Variants in ZFYVE28 observed in about 807,000 individuals in gnomAD.
ZFYVE28 encodes zinc finger FYVE-type containing 28.
A neutral mutation model predicts 82.1 loss-of-function variants in ZFYVE28; 40 were observed. That is an observed-to-expected ratio of 0.49 (90% CI 0.38 to 0.63). The LOEUF (loss-of-function observed/expected upper bound fraction) is 0.63, where lower values mean the gene tolerates loss of function less well. Ranked by LOEUF, ZFYVE28 falls within the 30% of genes least tolerant of loss-of-function variation. The pLI, the probability that ZFYVE28 is intolerant of heterozygous loss-of-function variation, is 0.00. For missense variants in ZFYVE28, 1,321 were observed against 1,242.1 expected, an observed-to-expected ratio of 1.06 and a Z score of -0.96; for synonymous variants, 612 against 546.1, an observed-to-expected ratio of 1.12 and a Z score of -1.68.
chr4:2,368,488 C>T (rs769181880), intron 1 of ZFYVE28, among the ~76,000 whole-genome samples: 17 of 147,152 alleles, frequency 1.2e-4, no homozygotes, highest in Non-Finnish European at 1.6e-4. Context: ...TCATCACCTC[C>T]GGAAGAAACC....
At chr4:2,365,023 A>T in intron 1 of ZFYVE28, 1 of 458,032 alleles carries the variant, frequency 2.2e-6, no homozygotes, top group Non-Finnish European at 2.9e-6. Flanking sequence ...CGCACGCGGA[A>T]GTGGGGGAGG....
chr4:2,332,439 G>A lies in ZFYVE28; in HGVS notation c.701+3266C>T, dbSNP rs1328620759. On this transcript the variant is annotated intron_variant, in intron 6 of 12. Coordinates refer to ENST00000290974, the MANE Select transcript of ZFYVE28 (RefSeq NM_020972.3). This position sits in a 1 kb window ranked among gnomAD's most constrained non-coding sequence, Gnocchi z 4.7. Reference sequence around the variant, plus strand: ...CTCCCACCTCTGGGCCGGCTGCCCTGGGGAGCCTCTCCCTCACGCCTTCAG... The same window carrying A: ...CTCCCACCTCTGGGCCGGCTGCCCTAGGGAGCCTCTCCCTCACGCCTTCAG... 6.6e-6 allele frequency among the ~76,000 whole-genome samples: 1 copy of A among 152,128 alleles called. No individual in the cohort carries two copies. Among genetic ancestry groups the A allele is most frequent in the African/African-American group, 2.4e-5 (1 of 41,412 alleles).
chr4:2,275,092 C>G (rs1736290153), intron 8 of ZFYVE28, among the ~76,000 whole-genome samples: 1 of 152,110 alleles, frequency 6.6e-6, no homozygotes, highest in Non-Finnish European at 1.5e-5. Flanking sequence ...TGCACAAGAC[C>G]CCACAGGCCT....
intron 1 of ZFYVE28, among the ~76,000 whole-genome samples, chr4:2,376,033 C>G (rs1470033463): frequency 6.6e-6 from 1 of 151,918 alleles, no homozygotes; most frequent in Non-Finnish European, 1.5e-5. Context: ...GCCACCACGC[C>G]TGGCTAATTT....
chr4:2,288,217 G>A (rs920092862), intron 8 of ZFYVE28, among the ~76,000 whole-genome samples: 5 of 152,228 alleles, frequency 3.3e-5, no homozygotes, highest in African/African-American at 1.2e-4. Flanking sequence ...GAAGGCCCGA[G>A]GACCTGCATC....
chr4:2,414,754 C>T lies in ZFYVE28; in HGVS notation c.39+3531G>A, dbSNP rs151333924. On this transcript the variant is annotated intron_variant, in intron 1 of 12. Coordinates refer to ENST00000290974, the MANE Select transcript of ZFYVE28 (RefSeq NM_020972.3). ...GTGTCCAGGTCCCTCTCCCCCATGC[C>T]GGGAATTCTCACCTCCTAGTGACCA... Among the ~76,000 whole-genome samples the T allele has an allele frequency of 1.6e-4, 25 of 152,266 alleles. No homozygotes were observed. In the East Asian group the frequency reaches 4.6e-3, roughly 28 times the overall value.
chr4:2,409,132 A>G lies in ZFYVE28; in HGVS notation c.39+9153T>C, dbSNP rs1732244975. Among the ~76,000 whole-genome samples the G allele has an allele frequency of 6.6e-6, 1 of 150,570 alleles. No homozygotes were observed. The highest frequency in any genetic ancestry group is 6.6e-5 in the Admixed American group (1 of 15,118). ...TCCCCGTGGAGTTGCATGGCCATCAAACACACTGTCCAAACCCCTACTTCT... is the reference window on the plus strand; with the variant it reads ...TCCCCGTGGAGTTGCATGGCCATCAGACACACTGTCCAAACCCCTACTTCT... On this transcript the variant is annotated intron_variant, in intron 1 of 12. Coordinates refer to ENST00000290974, the MANE Select transcript of ZFYVE28 (RefSeq NM_020972.3). The surrounding 1 kb of genome is among the most constrained non-coding windows in gnomAD (Gnocchi z 4.4).
chr4:2,356,993 A>T (rs182869867), intron 1 of ZFYVE28, among the ~76,000 whole-genome samples: 1 of 152,266 alleles, frequency 6.6e-6, no homozygotes, highest in Admixed American at 6.5e-5. Flanking sequence ...CCCAGGCTCA[A>T]GCAATCATCC....
At chr4:2,381,841 A>C (rs1728760710) in intron 1 of ZFYVE28, among the ~76,000 whole-genome samples, 1 of 152,246 alleles carries the variant, frequency 6.6e-6, no homozygotes, top group Admixed American at 6.5e-5. Flanking sequence ...AGCATGTCAG[A>C]GGTCTTCAGG....
intron 2 of ZFYVE28, among the ~76,000 whole-genome samples, chr4:2,348,125 G>C (rs1280139305): frequency 6.6e-6 from 1 of 152,112 alleles, no homozygotes; most frequent in South Asian, 2.1e-4. Flanking sequence ...AACGAGAGAG[G>C]TGACATCGCG....
chr4:2,397,733 G>A (rs908302612), intron 1 of ZFYVE28, among the ~76,000 whole-genome samples: 18 of 152,210 alleles, frequency 1.2e-4, no homozygotes, highest in Admixed American at 3.9e-4. Flanking sequence ...CATCCATGCC[G>A]TAGTATGTGT....
rs144528741 is a variant in ZFYVE28, at chr4:2,324,213, C to T, written c.702-3942G>A. Among the ~76,000 whole-genome samples the T allele has an allele frequency of 3.7e-3, 567 of 152,264 alleles. 4 individuals carry two copies. Among genetic ancestry groups the T allele is most frequent in the African/African-American group, 0.013 (538 of 41,550 alleles). On this transcript the variant is annotated intron_variant, in intron 6 of 12. Transcript: ENST00000290974. Reference sequence around the variant, plus strand: ...GCTCCAATCCAAGGAGTCTGGAAGCCGGATTCCCCCTTACTTGCGGATCTC... The same window carrying T: ...GCTCCAATCCAAGGAGTCTGGAAGCTGGATTCCCCCTTACTTGCGGATCTC...
At chr4:2,302,164 A>C (rs1316753010) in intron 8 of ZFYVE28, among the ~76,000 whole-genome samples, 1 of 152,244 alleles carries the variant, frequency 6.6e-6, no homozygotes, top group Non-Finnish European at 1.5e-5. Flanking sequence ...TGTGTATCTG[A>C]ACATCCACTC....
chr4:2,358,829 T>C (rs1377219467), intron 1 of ZFYVE28, among the ~76,000 whole-genome samples: 1 of 151,834 alleles, frequency 6.6e-6, no homozygotes, highest in Non-Finnish European at 1.5e-5. Context: ...TGAGACAGGG[T>C]CTTGCTCTAT....
chr4:2,399,014 G>A (rs1468571663), intron 1 of ZFYVE28, among the ~76,000 whole-genome samples: 3 of 143,812 alleles, frequency 2.1e-5, no homozygotes. Flanking sequence ...GGAGGGGCGA[G>A]ATCTAGGGCA....
chr4:2,373,376 G>A (rs1234271331), intron 1 of ZFYVE28, among the ~76,000 whole-genome samples: 1 of 151,946 alleles, frequency 6.6e-6, no homozygotes, highest in Non-Finnish European at 1.5e-5. Flanking sequence ...GCATGCACCT[G>A]TAGTCCCAGC....
Position 2,308,659 on chromosome 4 carries a change from A to AAGAG in ZFYVE28, c.804-3124_804-3123insCTCT, listed in dbSNP as rs1478609974. ...AAAGAAAGAAAGAAAGAAAGAAAGA[A>AAGAG]AGAAAGAAAGAAAGAAAGAGAAAGA... On this transcript the variant is annotated intron_variant, in intron 7 of 12. Transcript: ENST00000290974. Among the ~76,000 whole-genome samples, 5 of 127,238 alleles carry AAGAG rather than the reference A, an allele frequency of 3.9e-5. No homozygotes were observed. The East Asian group carries it at 1.0e-3, about 26-fold the overall frequency. 83.5% of individuals were successfully genotyped at this position (127,238 alleles called of 152,430 possible).
intron 1 of ZFYVE28, among the ~76,000 whole-genome samples, chr4:2,382,884 C>T (rs777568202): frequency 1.1e-4 from 17 of 152,102 alleles, no homozygotes; most frequent in East Asian, 7.8e-4. Context: ...ACTTCTTACA[C>T]GGCAGCAGCA....
Position 2,320,147 on chromosome 4 carries a change from A to T in ZFYVE28, c.803+23T>A. ...CCCTCCTGTCCCCCTCCCCTCCCCC[A>T]CCTCCTCTAGCTCCATCCCCACCTT... On this transcript the variant is annotated intron_variant, in intron 7 of 12. Transcript: ENST00000290974. This position sits in a 1 kb window ranked among gnomAD's most constrained non-coding sequence, Gnocchi z 5.1. 1.1e-6 allele frequency: 1 copy of T among 895,390 alleles called. No homozygotes were observed. The highest frequency in any genetic ancestry group is 1.6e-6 in the Non-Finnish European group (1 of 623,562). The allele number at this position is 895,390 out of a possible 1,614,324, so 55.5% of individuals were successfully genotyped here.
Sources: allele counts gnomAD v4.1 joint callset (sites outside exome capture counted in the v4.1 genomes callset), GRCh38; gene constraint gnomAD v4.1.1; non-coding constraint Gnocchi (gnomAD v3.1); transcripts MANE v1.5; gene names NCBI Gene and HGNC (gene_info 2026-07-23, HGNC 2026-07-21).